The following RUNX1 variants were observed in gnomAD, a reference collection of about 807,000 sequenced individuals.
RUNX1 encodes RUNX family transcription factor 1, also known as runt-related transcription factor 1.
In RUNX1, 19 loss-of-function variants were observed where a neutral mutation model predicts 42.8. The observed-to-expected ratio is 0.44, with a 90% CI of 0.31 to 0.65. The LOEUF is 0.65. RUNX1 is among the 30% of genes least tolerant of loss of function. RUNX1 has a pLI of 0.07. For missense variants in RUNX1, 528 were observed against 672.0 expected (o/e 0.79, Z 2.37); for synonymous variants, 271 against 289.4 (o/e 0.94, Z 0.64).
At chr21:34,872,088 C>T (rs761887002) in intron 5 of RUNX1, among the ~76,000 whole-genome samples, 56 of 152,294 alleles carry the variant, frequency 3.7e-4, no homozygotes, top group Non-Finnish European at 7.1e-4. Flanking sequence ...AGATGATCCT[C>T]CTGCCTTGGC....
intron 7 of RUNX1, among the ~76,000 whole-genome samples, chr21:34,814,189 T>C (rs1365905673): frequency 6.6e-6 from 1 of 152,208 alleles, no homozygotes; most frequent in African/African-American, 2.4e-5. Flanking sequence ...CTCTCCACCC[T>C]GAAACGATGC....
chr21:34,999,403 T>A (rs1420086142), intron 2 of RUNX1, among the ~76,000 whole-genome samples: 1 of 152,202 alleles, frequency 6.6e-6, no homozygotes, highest in African/African-American at 2.4e-5. Flanking sequence ...TACATCAAGG[T>A]CATGGAGCCC....
At chr21:34,846,194 CTTTTTTTT>C (rs5843687) in intron 6 of RUNX1, among the ~76,000 whole-genome samples, 6 of 102,264 alleles carry the variant, frequency 5.9e-5, no homozygotes, top group Admixed American at 4.1e-4. Flanking sequence ...TTAAGGATGT[CTTTTTTTT>C]TTTTTTTTTT....
intron 2 of RUNX1, among the ~76,000 whole-genome samples, chr21:34,908,038 G>A (rs529534198): frequency 4.1e-4 from 62 of 152,202 alleles, no homozygotes; most frequent in African/African-American, 1.5e-3. Context: ...ACTCCTCCAA[G>A]AGCCGTTTTG....
rs1311963376 is a variant in RUNX1 at position 34,787,991 on chromosome 21, T to C, written c.*4144A>G. 2 of 233,264 alleles carry C rather than the reference T, an allele frequency of 8.6e-6. No individual in the cohort carries two copies. The highest frequency in any genetic ancestry group is 6.0e-5 in the East Asian group (1 of 16,596). 14.4% of individuals were successfully genotyped at this position (233,264 alleles called of 1,614,324 possible). On this transcript the variant is annotated 3_prime_UTR_variant, in exon 9 of 9. Coordinates refer to ENST00000675419, the MANE Select transcript of RUNX1 (RefSeq NM_001754.5). ...AGGGGAGGCGGCCCACCCGACTGTGTACCGTGGACTGTGGACAGTGCAGTG... is the reference window on the plus strand; with the variant it reads ...AGGGGAGGCGGCCCACCCGACTGTGCACCGTGGACTGTGGACAGTGCAGTG...
At chr21:34,928,951 A>T (rs911578492) in intron 2 of RUNX1, among the ~76,000 whole-genome samples, 1 of 82,288 alleles carries the variant, frequency 1.2e-5, no homozygotes, top group Non-Finnish European at 2.4e-5. Flanking sequence ...TTATTTCTAC[A>T]GATTTTTTTT....
Position 35,043,924 on chromosome 21 carries a change from C to T in RUNX1, c.58+4918G>A, listed in dbSNP as rs1186614036. Among the ~76,000 whole-genome samples the T allele has an allele frequency of 3.3e-5, 5 of 152,276 alleles. No individual in the cohort carries two copies. The East Asian group carries it at 7.7e-4, about 24-fold the overall frequency. ...GCTCAAAGGTATACAGGCAAAATGG[C>T]CTTTTCCTTAAGAAGAGCCTTGGAG... On this transcript the variant is annotated intron_variant, in intron 2 of 8. Transcript: ENST00000675419.
At chr21:34,839,939 C>T (rs1488819666) in intron 6 of RUNX1, among the ~76,000 whole-genome samples, 4 of 152,184 alleles carry the variant, frequency 2.6e-5, no homozygotes, top group East Asian at 3.8e-4. Context: ...CAATGACTGA[C>T]GGCCTCCTTT....
chr21:34,834,933 G>C (rs1204632400), intron 6 of RUNX1, among the ~76,000 whole-genome samples: 1 of 152,212 alleles, frequency 6.6e-6, no homozygotes, highest in Non-Finnish European at 1.5e-5. Context: ...GGGAGGGAAA[G>C]AGGCGCATTA....
chr21:34,910,399 G>A (rs1273534397), intron 2 of RUNX1, among the ~76,000 whole-genome samples: 1 of 139,852 alleles, frequency 7.2e-6, no homozygotes, highest in African/African-American at 2.7e-5. Flanking sequence ...TTTTTTTCTG[G>A]TACAGAATTC....
chr21:34,797,574 G>A (rs2056547314), intron 8 of RUNX1, among the ~76,000 whole-genome samples: 1 of 152,340 alleles, frequency 6.6e-6, no homozygotes, highest in South Asian at 2.1e-4. Flanking sequence ...ACCGTAGCCG[G>A]TGTGCAGAGG....
chr21:34,952,743 T>C (rs1487754867), intron 2 of RUNX1, among the ~76,000 whole-genome samples: 2 of 152,232 alleles, frequency 1.3e-5, no homozygotes, highest in African/African-American at 4.8e-5. Flanking sequence ...AGCTGCTCTT[T>C]CTTCTCACTT....
chr21:34,889,531 G>T, intron 3 of RUNX1: 1 of 372,152 alleles, frequency 2.7e-6, no homozygotes, highest in Non-Finnish European at 3.9e-6. Context: ...CAGCCACGCG[G>T]CTTGCTCCCG....
chr21:35,034,523 C>T (rs1166068569), intron 2 of RUNX1, among the ~76,000 whole-genome samples: 2 of 152,162 alleles, frequency 1.3e-5, no homozygotes, highest in Non-Finnish European at 2.9e-5. Context: ...CTTTCTGGAG[C>T]TGTGGTTCTC....
chr21:34,893,946 A>C, intron 2 of RUNX1, among the ~76,000 whole-genome samples: 1 of 152,178 alleles, frequency 6.6e-6, no homozygotes, highest in Middle Eastern at 3.2e-3. Context: ...CTATGATGAA[A>C]TATTAAAGGA....
chr21:34,940,763 C>T (rs1176267877), intron 2 of RUNX1, among the ~76,000 whole-genome samples: 1 of 152,212 alleles, frequency 6.6e-6, no homozygotes, highest in Non-Finnish European at 1.5e-5. Flanking sequence ...TCATCTAGAA[C>T]TTTCAGAAGT....
intron 2 of RUNX1, among the ~76,000 whole-genome samples, chr21:34,999,201 C>T (rs2059021460): frequency 6.6e-6 from 1 of 152,198 alleles, no homozygotes; most frequent in African/African-American, 2.4e-5. Context: ...TCAGGCTGTT[C>T]TTGGCAGAGG....
chr21:35,030,072 G>A (rs1297169777), intron 2 of RUNX1, among the ~76,000 whole-genome samples: 1 of 152,186 alleles, frequency 6.6e-6, no homozygotes, highest in South Asian at 2.1e-4. Context: ...GGCCGGGTGC[G>A]GTGGCTCACG....
chr21:34,984,543 A>C (rs185480276), intron 2 of RUNX1, among the ~76,000 whole-genome samples: 3 of 152,200 alleles, frequency 2.0e-5, no homozygotes, highest in Admixed American at 1.3e-4. Context: ...TTTCAGAGGA[A>C]GTGGTGGCAA....
Sources: allele counts gnomAD v4.1 joint callset (sites outside exome capture counted in the v4.1 genomes callset), GRCh38; gene constraint gnomAD v4.1.1; transcripts MANE v1.5; gene names NCBI Gene and HGNC (gene_info 2026-07-23, HGNC 2026-07-21).